Variants in PRKN observed in about 807,000 individuals in gnomAD.
The protein encoded by PRKN is E3 ubiquitin-protein ligase parkin.
PRKN carries 56 observed loss-of-function variants against 59.5 expected under a neutral mutation model. That is an observed-to-expected ratio of 0.94 (90% CI 0.76 to 1.18). PRKN has a LOEUF of 1.18. Ranked by LOEUF, PRKN falls within the 50% of genes most tolerant of loss-of-function variation. The probability of loss-of-function intolerance (pLI) is 0.00; values close to 1 mark genes in which losing one functional copy is unlikely to be tolerated. For missense variants in PRKN, 657 were observed against 596.4 expected (o/e 1.10, Z -1.06); for synonymous variants, 250 against 222.1 (o/e 1.13, Z -1.12).
At chr6:161,922,169 T>C (rs1047711848) in intron 6 of PRKN, among the ~76,000 whole-genome samples, 37 of 152,194 alleles carry the variant, frequency 2.4e-4, no homozygotes, top group African/African-American at 8.7e-4. Context: ...AAACCCCCTG[T>C]TGTCAAATGC....
intron 1 of PRKN, among the ~76,000 whole-genome samples, chr6:162,617,698 A>T (rs1454305774): frequency 1.3e-5 from 2 of 152,208 alleles, no homozygotes; most frequent in African/African-American, 4.8e-5. Context: ...GAAATTATGC[A>T]GTTATCTGTC....
Position 162,327,365 on chromosome 6 carries a change from T to C in PRKN, c.172-64600A>G, listed in dbSNP as rs115854366. ...GTGTTTTATTTTTTATTTTTGTTTT[T>C]TGAAAAAAGACATGAGCAATCTGAT... On this transcript the variant is annotated intron_variant, in intron 2 of 11. Coordinates refer to ENST00000366898, the MANE Select transcript of PRKN (RefSeq NM_004562.3). Among the ~76,000 whole-genome samples the C allele has an allele frequency of 3.9e-3, 592 of 152,280 alleles. 6 individuals carry two copies. The highest frequency in any genetic ancestry group is 0.014 in the African/African-American group (570 of 41,560).
chr6:162,197,474 T>C (rs1177620454), intron 4 of PRKN, among the ~76,000 whole-genome samples: 1 of 152,158 alleles, frequency 6.6e-6, no homozygotes, highest in Non-Finnish European at 1.5e-5. Context: ...TTCAAGAGTA[T>C]GTTTCAGTTA....
intron 3 of PRKN, among the ~76,000 whole-genome samples, chr6:162,225,479 CTT>C (rs916935104): frequency 8.5e-5 from 13 of 152,150 alleles, no homozygotes; most frequent in African/African-American, 3.1e-4. Flanking sequence ...TCTTTCATCT[CTT>C]TGGTATCTTC....
chr6:161,881,542 A>G (rs2128229676), intron 6 of PRKN, among the ~76,000 whole-genome samples: 1 of 152,318 alleles, frequency 6.6e-6, no homozygotes, highest in African/African-American at 2.4e-5. Flanking sequence ...GCACTCGGTA[A>G]GGGGCCAGGA....
chr6:162,510,947 AC>A (rs1304760416), intron 1 of PRKN, among the ~76,000 whole-genome samples: 4 of 131,466 alleles, frequency 3.0e-5, no homozygotes, highest in African/African-American at 5.5e-5. Context: ...AAATAAAAAA[AC>A]AAAACATATA....
At position 162,246,524 on chromosome 6, in the gene PRKN, T is replaced by C. The variant is rs532426314; in HGVS notation, c.412+16001A>G. Among the ~76,000 whole-genome samples, 195 of 152,266 alleles carry C rather than the reference T, an allele frequency of 1.3e-3. 1 individual carries two copies. The highest frequency in any genetic ancestry group is 4.3e-3 in the African/African-American group (179 of 41,554). ...CTCTGAGTACTTCAAGTGTTCTAGATTTTTAGGGAAAAATCTCCTCTTATA... is the reference window on the plus strand; with the variant it reads ...CTCTGAGTACTTCAAGTGTTCTAGACTTTTAGGGAAAAATCTCCTCTTATA... On this transcript the variant is annotated intron_variant, in intron 3 of 11. Coordinates refer to ENST00000366898, the MANE Select transcript of PRKN (RefSeq NM_004562.3).
At chr6:162,512,015 A>G (rs1170836502) in intron 1 of PRKN, among the ~76,000 whole-genome samples, 1 of 152,198 alleles carries the variant, frequency 6.6e-6, no homozygotes, top group Non-Finnish European at 1.5e-5. Flanking sequence ...TGTGTTAGTG[A>G]AATAGCACAG....
rs113479568 is a variant in PRKN at position 162,155,763 on chromosome 6, T to C, written c.534+45368A>G. Among the ~76,000 whole-genome samples the C allele has an allele frequency of 2.5e-3, 372 of 149,164 alleles. 5 individuals carry two copies. The highest frequency in any genetic ancestry group is 9.0e-3 in the African/African-American group (365 of 40,394). ...CATCATAAAAGCCACATTCTGTAAA[T>C]CTTGACACTGGCTCAGTGCTCAGAA... is the stretch of plus-strand genomic sequence containing the variant. On this transcript the variant is annotated intron_variant, in intron 4 of 11. Coordinates refer to ENST00000366898, the MANE Select transcript of PRKN (RefSeq NM_004562.3).
At chr6:162,004,675 A>G (rs1438756403) in intron 5 of PRKN, among the ~76,000 whole-genome samples, 2 of 152,202 alleles carry the variant, frequency 1.3e-5, no homozygotes, top group African/African-American at 2.4e-5. Context: ...GAAAGAAACT[A>G]ATGAACTCAT....
At chr6:161,759,797 T>A (rs995012767) in intron 7 of PRKN, among the ~76,000 whole-genome samples, 1 of 152,146 alleles carries the variant, frequency 6.6e-6, no homozygotes, top group Non-Finnish European at 1.5e-5. Context: ...ATATCTGGTG[T>A]TTCAAGTGGG....
intron 9 of PRKN, among the ~76,000 whole-genome samples, chr6:161,542,835 T>C (rs1779663552): frequency 6.6e-6 from 1 of 152,192 alleles, no homozygotes; most frequent in Admixed American, 6.5e-5. Flanking sequence ...GAAACACCTG[T>C]TCTTTCTGAT....
At chr6:162,117,269 G>T (rs1415947922) in intron 4 of PRKN, among the ~76,000 whole-genome samples, 2 of 152,174 alleles carry the variant, frequency 1.3e-5, no homozygotes, top group Non-Finnish European at 2.9e-5. Context: ...CTAGAGAAAG[G>T]TATGTGATTC....
intron 6 of PRKN, among the ~76,000 whole-genome samples, chr6:161,833,473 C>T (rs965983659): frequency 2.0e-5 from 3 of 152,210 alleles, no homozygotes; most frequent in African/African-American, 7.2e-5. Flanking sequence ...ATGTCTCTAG[C>T]TATAACCTGA....
In PRKN at chr6:162,322,798, A is replaced by C. The variant is rs1376470570; in HGVS notation, c.172-60033T>G. On this transcript the variant is annotated intron_variant, in intron 2 of 11. Transcript: ENST00000366898. The stretch of plus-strand genomic sequence containing the variant: ...TATATAAAAATGAACTTGATTCACA[A>C]TAGCAAAGACTTGGAACCAACCCAA... Among the ~76,000 whole-genome samples the C allele has an allele frequency of 2.0e-5, 3 of 152,154 alleles. No homozygotes were observed. The East Asian group carries it at 5.8e-4, about 30-fold the overall frequency.
intron 1 of PRKN, among the ~76,000 whole-genome samples, chr6:162,571,044 C>A (rs1297229617): frequency 6.6e-6 from 1 of 152,090 alleles, no homozygotes; most frequent in Non-Finnish European, 1.5e-5. Context: ...TATCTCATGG[C>A]TGGGCACAGT....
intron 7 of PRKN, among the ~76,000 whole-genome samples, chr6:161,635,835 A>C (rs1783493635): frequency 6.6e-6 from 1 of 152,232 alleles, no homozygotes; most frequent in Non-Finnish European, 1.5e-5. Context: ...GCACTTCCCT[A>C]GACAATCCTG....
At chr6:161,574,053 G>T (rs1347324291) in intron 7 of PRKN, among the ~76,000 whole-genome samples, 6 of 151,630 alleles carry the variant, frequency 4.0e-5, no homozygotes, top group Admixed American at 1.3e-4. Context: ...CACCTGGTAG[G>T]TTCAAAAAAA....
intron 2 of PRKN, among the ~76,000 whole-genome samples, chr6:162,388,613 A>G (rs1436537452): frequency 1.3e-5 from 2 of 152,086 alleles, no homozygotes; most frequent in African/African-American, 4.8e-5. Flanking sequence ...CCATGGGTGG[A>G]GCTTTCAGAG....
Sources: allele counts gnomAD v4.1 joint callset (sites outside exome capture counted in the v4.1 genomes callset), GRCh38; gene constraint gnomAD v4.1.1; transcripts MANE v1.5; gene names NCBI Gene and HGNC (gene_info 2026-07-23, HGNC 2026-07-21).